The following PSMB2 variants were observed in gnomAD, a reference collection of about 807,000 sequenced individuals.
PSMB2 encodes the protein proteasome 20S subunit beta 2.
PSMB2 carries 13 observed loss-of-function variants against 25.7 expected under a neutral mutation model. That is an observed-to-expected ratio of 0.51 (90% CI 0.33 to 0.80). The LOEUF (loss-of-function observed/expected upper bound fraction) is 0.80, where lower values mean the gene tolerates loss of function less well. Ranked by LOEUF, PSMB2 falls within the 30% of genes least tolerant of loss-of-function variation. The probability of loss-of-function intolerance (pLI) is 0.02; values close to 1 mark genes in which losing one functional copy is unlikely to be tolerated. For synonymous variants in PSMB2, 87 were observed against 96.2 expected (o/e 0.90, Z 0.56); for missense variants, 202 against 259.0 (o/e 0.78, Z 1.51).
intron 3 of PSMB2, among the ~76,000 whole-genome samples, chr1:35,628,631 A>ATATTTTT (rs1202256440): frequency 5.3e-5 from 2 of 38,088 alleles, no homozygotes; most frequent in African/African-American, 2.6e-4. Context: ...ATATATATAT[A>ATATTTTT]TTTTTTTTTT....
At chr1:35,634,840 T>C (rs1651201544) in intron 2 of PSMB2, among the ~76,000 whole-genome samples, 1 of 150,886 alleles carries the variant, frequency 6.6e-6, no homozygotes, top group South Asian at 2.1e-4. Context: ...CCTTCCAGAG[T>C]ACAGTGGCAC....
At chr1:35,616,503 A>AG (rs1391343231) in intron 3 of PSMB2, among the ~76,000 whole-genome samples, 2 of 152,212 alleles carry the variant, frequency 1.3e-5, no homozygotes, top group East Asian at 3.8e-4. Flanking sequence ...CCTGGGCTCA[A>AG]GGGAATCCTA....
At chr1:35,628,786 G>T (rs1339015050) in intron 3 of PSMB2, among the ~76,000 whole-genome samples, 1 of 150,954 alleles carries the variant, frequency 6.6e-6, no homozygotes, top group Non-Finnish European at 1.5e-5. Context: ...GTCAAAGCTA[G>T]CACTGAGAGG....
At position 35,601,887 on chromosome 1, in the gene PSMB2, A is replaced by G. The variant is rs1650012272; in HGVS notation, c.*1380T>C. 1.0e-6 allele frequency: 1 copy of G among 985,370 alleles called. No individual in the cohort carries two copies. Among genetic ancestry groups the G allele is most frequent in the Non-Finnish European group, 1.2e-6 (1 of 829,954 alleles). The allele number at this position is 985,370 out of a possible 1,614,324, so 61.0% of individuals were successfully genotyped here. A position where few individuals can be genotyped will look rare whatever the true frequency, so the allele number is the denominator to read the frequency against. ...CCACATTGTTCCCTAAAGTTATGCT[A>G]AGAGTAAAACGAGTAACTGGTTAAC... On this transcript the variant is annotated 3_prime_UTR_variant, in exon 6 of 6. Transcript: ENST00000373237.
At chr1:35,613,810 T>C (rs146512230) in intron 3 of PSMB2, among the ~76,000 whole-genome samples, 2,791 of 152,316 alleles carry the variant, frequency 0.018, 99 homozygotes, top group African/African-American at 0.063. Flanking sequence ...TTAATCTCTC[T>C]GAATTTTAAT....
chr1:35,621,389 C>A (rs113631024), intron 3 of PSMB2, among the ~76,000 whole-genome samples: 3,749 of 152,288 alleles, frequency 0.025, 67 homozygotes, highest in Non-Finnish European at 0.039. Flanking sequence ...GCCCCAAGGA[C>A]AATGCAGGCT....
Position 35,609,230 on chromosome 1 carries a change from G to T in PSMB2, c.448+16C>A. On this transcript the variant is annotated intron_variant, in intron 4 of 5. Transcript: ENST00000373237. ...GGGCTCTGCCACTGCTCCCTCCCTAGAGTATTAATACTTACTCGGTGTGTA... is the reference window on the plus strand; with the variant it reads ...GGGCTCTGCCACTGCTCCCTCCCTATAGTATTAATACTTACTCGGTGTGTA... The T allele has an allele frequency of 6.5e-7, 1 of 1,545,142 alleles. No homozygotes were observed. Among genetic ancestry groups the T allele is most frequent in the South Asian group, 1.2e-5 (1 of 80,656 alleles).
intron 3 of PSMB2, among the ~76,000 whole-genome samples, chr1:35,620,831 A>G (rs1650661314): frequency 6.6e-6 from 1 of 151,582 alleles, no homozygotes; most frequent in African/African-American, 2.4e-5. Context: ...TGCCCAGCTA[A>G]TTTTTGTATT....
In PSMB2 at chr1:35,602,997, T is replaced by C. The variant is rs562740606; in HGVS notation, c.*270A>G. On this transcript the variant is annotated 3_prime_UTR_variant, in exon 6 of 6. Coordinates refer to ENST00000373237, the MANE Select transcript of PSMB2 (RefSeq NM_002794.5). Reference sequence around the variant, plus strand: ...AGGAAGCCAAGCATGGAGTAGAACGTGGGGCCGTCAGCTGCTAAAGGGTAC... The same window carrying C: ...AGGAAGCCAAGCATGGAGTAGAACGCGGGGCCGTCAGCTGCTAAAGGGTAC... 7.1e-6 allele frequency: 8 copies of C among 1,132,948 alleles called. No individual in the cohort carries two copies. The African/African-American group carries it at 1.1e-4, about 16-fold the overall frequency. The allele number at this position is 1,132,948 out of a possible 1,614,324, so 70.2% of individuals were successfully genotyped here. A position where few individuals can be genotyped will look rare whatever the true frequency, so the allele number is the denominator to read the frequency against.
At chr1:35,604,063 A>G (rs1327602120) in intron 5 of PSMB2, among the ~76,000 whole-genome samples, 1 of 150,018 alleles carries the variant, frequency 6.7e-6, no homozygotes, top group East Asian at 2.0e-4. Context: ...TGGGGTGGGC[A>G]CTGTGGACTG....
intron 4 of PSMB2, among the ~76,000 whole-genome samples, chr1:35,608,704 T>C (rs991201916): frequency 6.6e-6 from 1 of 152,210 alleles, no homozygotes; most frequent in South Asian, 2.1e-4. Context: ...CGGCTTTTTC[T>C]TTCAAGAGGA....
Position 35,601,897 on chromosome 1 carries a change from C to A in PSMB2, c.*1370G>T, listed in dbSNP as rs548597168. Reference sequence around the variant, plus strand: ...CCCTAAAGTTATGCTAAGAGTAAAACGAGTAACTGGTTAACTGCCCATGAT... The same window carrying A: ...CCCTAAAGTTATGCTAAGAGTAAAAAGAGTAACTGGTTAACTGCCCATGAT... On this transcript the variant is annotated 3_prime_UTR_variant, in exon 6 of 6. Coordinates refer to ENST00000373237, the MANE Select transcript of PSMB2 (RefSeq NM_002794.5). 1.8e-4 allele frequency: 175 copies of A among 985,354 alleles called. 1 individual carries two copies. The African/African-American group carries it at 3.0e-3, about 17-fold the overall frequency. 61.0% of individuals were successfully genotyped at this position (985,354 alleles called of 1,614,324 possible). A position where few individuals can be genotyped will look rare whatever the true frequency, so the allele number is the denominator to read the frequency against.
At chr1:35,616,179 G>C (rs1485680404) in intron 3 of PSMB2, among the ~76,000 whole-genome samples, 1 of 152,178 alleles carries the variant, frequency 6.6e-6, no homozygotes, top group Non-Finnish European at 1.5e-5. Flanking sequence ...TCAAGGGTCA[G>C]GTCCAGAATT....
In PSMB2 at chr1:35,628,599, AT is replaced by A. The variant is rs1557456350; in HGVS notation, c.285+2674del. Among the ~76,000 whole-genome samples, 47 of 23,598 alleles carry A rather than the reference AT, an allele frequency of 2.0e-3. 1 individual carries two copies. The highest frequency in any genetic ancestry group is 5.8e-3 in the African/African-American group (45 of 7,802). The allele number at this position is 23,598 out of a possible 152,430, so 15.5% of individuals were successfully genotyped here. A position where few individuals can be genotyped will look rare whatever the true frequency, so the allele number is the denominator to read the frequency against. On this transcript the variant is annotated intron_variant, in intron 3 of 5. Coordinates refer to ENST00000373237, the MANE Select transcript of PSMB2 (RefSeq NM_002794.5). ...GGAAGAAAAAAAAAAAAAAAAAAAT[AT>A]ATATATATATATATATATATATATA... is the stretch of plus-strand genomic sequence containing the variant.
chr1:35,619,998 A>C (rs1374414287), intron 3 of PSMB2, among the ~76,000 whole-genome samples: 1 of 152,240 alleles, frequency 6.6e-6, no homozygotes, highest in Non-Finnish European at 1.5e-5. Context: ...GGAAAATTTA[A>C]GATTCCATAT....
Position 35,609,412 on chromosome 1 carries a change from C to CA in PSMB2, c.286-5dup. 1 of 1,504,948 alleles carries CA rather than the reference C, an allele frequency of 6.6e-7. No homozygotes were observed. Among genetic ancestry groups the CA allele is most frequent in the South Asian group, 1.3e-5 (1 of 76,174 alleles). The allele number at this position is 1,504,948 out of a possible 1,614,324, so 93.2% of individuals were successfully genotyped here. ...GGAGGTTCACATGATATGGGGTCTG[C>CA]AAAGAAAAGATATGGCAAAGTGATA... On this transcript the variant is annotated splice_region_variant and splice_polypyrimidine_tract_variant and intron_variant, in intron 3 of 5. Transcript: ENST00000373237.
intron 3 of PSMB2, among the ~76,000 whole-genome samples, chr1:35,613,193 T>C (rs1194774574): frequency 6.6e-6 from 1 of 152,170 alleles, no homozygotes; most frequent in Non-Finnish European, 1.5e-5. Context: ...AATCAATACA[T>C]CTGTGCAACA....
At chr1:35,628,770 C>G (rs1650995516) in intron 3 of PSMB2, among the ~76,000 whole-genome samples, 1 of 150,268 alleles carries the variant, frequency 6.7e-6, no homozygotes, top group Admixed American at 6.7e-5. Context: ...ATTGTACAAG[C>G]CCTTGGTCAA....
intron 3 of PSMB2, among the ~76,000 whole-genome samples, chr1:35,628,632 T>TATATATGTATATA (rs1491503087): frequency 2.8e-5 from 1 of 35,482 alleles, no homozygotes; most frequent in African/African-American, 1.0e-4. Flanking sequence ...TATATATATA[T>TATATATGTATATA]TTTTTTTTTT....
Sources: gnomAD v4.1 joint callset for allele counts (sites outside exome capture counted in the v4.1 genomes callset) on GRCh38, gnomAD v4.1.1 for gene constraint, MANE v1.5 for transcripts, NCBI Gene and HGNC (gene_info 2026-07-23, HGNC 2026-07-21) for gene names.